The following FOCAD variants were observed in gnomAD, a reference collection of about 807,000 sequenced individuals.
FOCAD encodes the protein KIAA1797.
Under a neutral mutation model 225.6 loss-of-function variants are expected in FOCAD, and 198 were observed. The ratio of observed to expected loss-of-function variants is 0.88; its 90% CI spans 0.78 to 0.99. FOCAD has a LOEUF of 0.99. FOCAD is among the 50% of genes least tolerant of loss of function. FOCAD has a pLI of 0.00. For missense variants in FOCAD, 2,713 were observed against 2,123.6 expected (o/e 1.28, Z -5.46); for synonymous variants, 897 against 755.0 (o/e 1.19, Z -3.08).
intron 35 of FOCAD, among the ~76,000 whole-genome samples, chr9:20,953,757 G>A (rs374211081): frequency 4.6e-5 from 7 of 152,082 alleles, no homozygotes; most frequent in East Asian, 1.9e-4. Context: ...CTTCGTTACC[G>A]TGATATTCTT....
chr9:20,885,312 A>AT (rs1271564320), intron 21 of FOCAD, 82 bp downstream of exon 21: 20 of 1,273,884 alleles, frequency 1.6e-5, no homozygotes, highest in Middle Eastern at 4.3e-4. Context: ...TTTAGAAATA[A>AT]TTTTTTTGAT....
intron 24 of FOCAD, among the ~76,000 whole-genome samples, chr9:20,918,573 A>C (rs1326206249): frequency 1.3e-5 from 2 of 152,068 alleles, no homozygotes; most frequent in Non-Finnish European, 2.9e-5. Context: ...AATACAAAAA[A>C]ATTAGCCGGG....
At chr9:20,696,109 T>C (rs1823348667) in intron 1 of FOCAD, among the ~76,000 whole-genome samples, 1 of 152,270 alleles carries the variant, frequency 6.6e-6, no homozygotes, top group Non-Finnish European at 1.5e-5. Flanking sequence ...GTTCTTTCAG[T>C]TATCTGAACC....
At chr9:20,913,344 T>C (rs1017768420) in intron 23 of FOCAD, among the ~76,000 whole-genome samples, 1 of 151,994 alleles carries the variant, frequency 6.6e-6, no homozygotes, top group Non-Finnish European at 1.5e-5. Flanking sequence ...CCTCCTCTGC[T>C]CCCCTCTTCC....
At chr9:20,665,926 G>A (rs1269721206) in intron 2 of FOCAD, among the ~76,000 whole-genome samples, 1 of 151,684 alleles carries the variant, frequency 6.6e-6, no homozygotes, top group East Asian at 1.9e-4. Flanking sequence ...ACGGAGTCTC[G>A]CTCTGTCACC....
chr9:20,862,457 T>C (rs1326353259), intron 15 of FOCAD, 121 bp from the exon 16 acceptor site: 5 of 1,136,678 alleles, frequency 4.4e-6, no homozygotes, highest in Non-Finnish European at 6.1e-6. Context: ...AAGTCCTATC[T>C]TCTAGGCATA....
intron 23 of FOCAD, among the ~76,000 whole-genome samples, chr9:20,915,917 A>T (rs1833830195): frequency 6.6e-6 from 1 of 152,190 alleles, no homozygotes. Context: ...AATGGACTAT[A>T]TTCCATTTAG....
At chr9:20,849,744 A>G (rs140945611) in intron 15 of FOCAD, among the ~76,000 whole-genome samples, 13 of 152,064 alleles carry the variant, frequency 8.5e-5, no homozygotes, top group African/African-American at 2.9e-4. Context: ...CAGATCTTCA[A>G]CTTCACTATG....
At chr9:20,661,568 G>C (rs1014100893) in intron 2 of FOCAD, among the ~76,000 whole-genome samples, 1 of 152,158 alleles carries the variant, frequency 6.6e-6, no homozygotes, top group African/African-American at 2.4e-5. Context: ...GTTAAACTGA[G>C]ATATTCTCAG....
Position 20,978,331 on chromosome 9 carries a change from A to G in FOCAD, c.4262-8A>G, listed in dbSNP as rs373405077. Reference sequence around the variant, plus strand: ...TATATTCAATTCTTTTCCTTTCTTGACTTTCAGGTGAAGAGATCCAGCAAC... The same window carrying G: ...TATATTCAATTCTTTTCCTTTCTTGGCTTTCAGGTGAAGAGATCCAGCAAC... On this transcript the variant is annotated splice_region_variant and splice_polypyrimidine_tract_variant and intron_variant, in intron 36 of 43. Transcript: ENST00000338382. 1.3e-6 allele frequency: 2 copies of G among 1,578,126 alleles called. No homozygotes were observed. The highest frequency in any genetic ancestry group is 2.7e-5 in the African/African-American group (2 of 73,956).
chr9:20,738,343 C>T (rs144021051), intron 4 of FOCAD, among the ~76,000 whole-genome samples: 1 of 152,190 alleles, frequency 6.6e-6, no homozygotes, highest in Non-Finnish European at 1.5e-5. Context: ...TTTTAATTTT[C>T]ACTGAGTTAC....
At chr9:20,845,568 C>T (rs1052169726) in intron 15 of FOCAD, among the ~76,000 whole-genome samples, 4 of 151,166 alleles carry the variant, frequency 2.6e-5, no homozygotes, top group African/African-American at 4.9e-5. Flanking sequence ...CTGTCATCTA[C>T]AGTGCTACAG....
chr9:20,868,196 A>AT, intron 18 of FOCAD, among the ~76,000 whole-genome samples: 1 of 152,272 alleles, frequency 6.6e-6, no homozygotes, highest in Non-Finnish European at 1.5e-5. Context: ...AAAAAGCTAC[A>AT]TGTAAATTTC....
intron 35 of FOCAD, 129 bp downstream of exon 35, chr9:20,953,194 TA>T: frequency 1.5e-6 from 1 of 677,704 alleles, no homozygotes. Flanking sequence ...TTTCGTCTGC[TA>T]AACCATCTTT....
intron 16 of FOCAD, 102 bp downstream of exon 16, chr9:20,862,814 T>C (rs534140691): frequency 1.5e-6 from 2 of 1,375,158 alleles, no homozygotes; most frequent in Non-Finnish European, 2.0e-6. Flanking sequence ...TTGTTGTTGT[T>C]GTTGTTCTGA....
chr9:20,983,530 C>T (rs994817649), intron 39 of FOCAD, among the ~76,000 whole-genome samples: 2 of 147,636 alleles, frequency 1.4e-5, no homozygotes, highest in Non-Finnish European at 3.0e-5. Context: ...CGAGATCCCA[C>T]CACTGTACTC....
intron 2 of FOCAD, among the ~76,000 whole-genome samples, chr9:20,666,477 G>A (rs528285799): frequency 4.3e-4 from 66 of 152,242 alleles, no homozygotes; most frequent in Non-Finnish European, 7.1e-4. Context: ...GGCTGAGGCA[G>A]GAGGATCAAT....
At chr9:20,969,577 G>T (rs547011840) in intron 35 of FOCAD, among the ~76,000 whole-genome samples, 171 of 151,880 alleles carry the variant, frequency 1.1e-3, no homozygotes, top group Admixed American at 2.0e-3. Context: ...TCCCTTTCAT[G>T]TTATTACTGT....
intron 11 of FOCAD, among the ~76,000 whole-genome samples, chr9:20,818,237 A>G (rs529247014): frequency 1.3e-5 from 2 of 152,060 alleles, no homozygotes; most frequent in East Asian, 1.9e-4. Flanking sequence ...TGGGTAAATT[A>G]TTGGGTTTTA....
Sources: gnomAD v4.1 joint callset for allele counts (sites outside exome capture counted in the v4.1 genomes callset) on GRCh38, gnomAD v4.1.1 for gene constraint, MANE v1.5 for transcripts, NCBI Gene and HGNC (gene_info 2026-07-23, HGNC 2026-07-21) for gene names.